MAST2: variants seen among roughly 807,000 people sequenced by gnomAD.
MAST2 encodes microtubule-associated serine/threonine-protein kinase 2.
In MAST2, 70 loss-of-function variants were observed where a neutral mutation model predicts 147.4. That is an observed-to-expected ratio of 0.47 (90% CI 0.39 to 0.58). MAST2 has a LOEUF of 0.58. Among genes scored for constraint, MAST2 ranks in the 20% least tolerant of loss-of-function variants. The pLI is 0.00. For missense variants in MAST2, 2,080 were observed against 2,302.3 expected, an observed-to-expected ratio of 0.90 and a Z score of 1.98; for synonymous variants, 869 against 896.8, an observed-to-expected ratio of 0.97 and a Z score of 0.55.
chr1:46,000,424 C>T (rs921165464), intron 6 of MAST2, among the ~76,000 whole-genome samples: 4 of 152,192 alleles, frequency 2.6e-5, no homozygotes, highest in Non-Finnish European at 4.4e-5. Flanking sequence ...ATGTTAGGTG[C>T]GAGGACCCAG....
At chr1:45,849,929 T>C (rs563339093) in intron 3 of MAST2, among the ~76,000 whole-genome samples, 67 of 152,338 alleles carry the variant, frequency 4.4e-4, no homozygotes, top group Non-Finnish European at 9.3e-4. Flanking sequence ...CATGTGTCTT[T>C]TTGGTAGAAT....
chr1:45,901,867 G>A (rs557805739), intron 4 of MAST2, among the ~76,000 whole-genome samples: 3 of 152,122 alleles, frequency 2.0e-5, no homozygotes, highest in Non-Finnish European at 4.4e-5. Context: ...ATTGGGTCTA[G>A]GAATCATTTG....
intron 6 of MAST2, 143 bp from the exon 7 acceptor site, chr1:46,002,662 C>T: frequency 1.5e-6 from 1 of 669,212 alleles, no homozygotes; most frequent in South Asian, 1.7e-5. Flanking sequence ...GATATAAAAG[C>T]ATGTACTGGA....
At chr1:45,958,070 T>G (rs1373010061) in intron 4 of MAST2, among the ~76,000 whole-genome samples, 1 of 152,112 alleles carries the variant, frequency 6.6e-6, no homozygotes, top group Non-Finnish European at 1.5e-5. Flanking sequence ...TTCAGAGTAG[T>G]GGGAGACTGT....
chr1:46,006,058 G>T (rs1188951289), intron 7 of MAST2, among the ~76,000 whole-genome samples, 183 bp from the exon 8 acceptor site: 1 of 152,188 alleles, frequency 6.6e-6, no homozygotes, highest in African/African-American at 2.4e-5. Flanking sequence ...TCAGGGCTGA[G>T]GGCTCTGAAG....
In MAST2 at chr1:46,029,845, G is replaced by A. The variant is rs752827452; in HGVS notation, c.2335G>A (p.Val779Met). ...ERLGTGSAYE[V>M]KQHPFFTGLD... is the part of the protein sequence containing the mutation. ...CCTGTCCACAGGCAGTGCCTATGAG[G>A]TGAAGCAGCACCCATTCTTTACTGG... is the stretch of plus-strand genomic sequence containing the variant. Residue 779 changes from valine (V) to methionine (M), a missense_variant, in exon 20 of 29, where the codon GTG becomes ATG. Val to Met is a conservative substitution (Grantham distance 21, BLOSUM62 1). Coordinates refer to ENST00000361297, the MANE Select transcript of MAST2 (RefSeq NM_015112.3). 6 of 1,614,006 alleles carry A rather than the reference G, an allele frequency of 3.7e-6. No individual in the cohort carries two copies. Among genetic ancestry groups the A allele is most frequent in the Non-Finnish European group, 3.4e-6 (4 of 1,180,030 alleles).
intron 3 of MAST2, 135 bp from the exon 4 acceptor site, chr1:45,882,229 G>A: frequency 3.6e-6 from 2 of 551,206 alleles, no homozygotes; most frequent in Non-Finnish European, 6.5e-6. Context: ...AAGAGGCAAA[G>A]AAAAAGTTGT....
At chr1:45,889,336 G>A (rs577216819) in intron 4 of MAST2, among the ~76,000 whole-genome samples, 4 of 151,586 alleles carry the variant, frequency 2.6e-5, no homozygotes, top group Non-Finnish European at 5.9e-5. Flanking sequence ...ACAGGTGCAC[G>A]CCGCCACACC....
intron 2 of MAST2, among the ~76,000 whole-genome samples, chr1:45,826,057 ACT>A (rs1194997457): frequency 1.3e-5 from 2 of 151,866 alleles, no homozygotes; most frequent in East Asian, 3.9e-4. Flanking sequence ...ACAGAGCGAA[ACT>A]CTGTCTCCAA....
intron 4 of MAST2, among the ~76,000 whole-genome samples, chr1:45,941,668 C>CTATTTGGTTTTT (rs1657298930): frequency 6.6e-6 from 1 of 151,786 alleles, no homozygotes; most frequent in Admixed American, 6.6e-5. Context: ...TTGTTTATTC[C>CTATTTGGTTTTT]TATTTGTTTT....
chr1:45,858,801 G>A (rs1354661231), intron 3 of MAST2, among the ~76,000 whole-genome samples: 2 of 151,790 alleles, frequency 1.3e-5, no homozygotes, highest in East Asian at 1.9e-4. Context: ...TAAGGTGTAA[G>A]GAAGGGATCC....
At chr1:45,991,117 G>T (rs1002102299) in intron 5 of MAST2, among the ~76,000 whole-genome samples, 3 of 152,002 alleles carry the variant, frequency 2.0e-5, no homozygotes, top group Non-Finnish European at 4.4e-5. Context: ...TGAACATTCA[G>T]TTGTTCCAGC....
At chr1:46,019,456 G>A (rs369626741) in intron 10 of MAST2, 140 bp from the exon 11 acceptor site, 2 of 635,154 alleles carry the variant, frequency 3.1e-6, no homozygotes, top group African/African-American at 3.6e-5. Context: ...CAGCCAGCCA[G>A]CCTTCTCTGA....
chr1:45,909,871 G>C (rs1651397489), intron 4 of MAST2, among the ~76,000 whole-genome samples: 1 of 151,968 alleles, frequency 6.6e-6, no homozygotes, highest in South Asian at 2.1e-4. Context: ...GGAGTGCAGT[G>C]GTGCCGTCTC....
At chr1:45,827,059 ACCTC>A (rs1284332490) in intron 2 of MAST2, among the ~76,000 whole-genome samples, 14 of 151,608 alleles carry the variant, frequency 9.2e-5, no homozygotes, top group African/African-American at 3.4e-4. Flanking sequence ...CAATCTCTTG[ACCTC>A]GTGATCCGCC....
chr1:45,947,540 G>A (rs192265069), intron 4 of MAST2, among the ~76,000 whole-genome samples: 1 of 152,028 alleles, frequency 6.6e-6, no homozygotes, highest in South Asian at 2.1e-4. Flanking sequence ...AAACCCTGAG[G>A]GACCCAAATC....
intron 3 of MAST2, among the ~76,000 whole-genome samples, chr1:45,857,652 C>T (rs146544285): frequency 6.6e-6 from 1 of 152,180 alleles, no homozygotes; most frequent in East Asian, 1.9e-4. Context: ...GCACAATGTG[C>T]AGGTTTGTTA....
At chr1:46,024,057 T>C in intron 15 of MAST2, 77 bp downstream of exon 15, 1 of 1,428,164 alleles carries the variant, frequency 7.0e-7, no homozygotes, top group Non-Finnish European at 9.9e-7. Flanking sequence ...ACCAGCAGCT[T>C]TGTACAGAGG....
At chr1:45,999,495 C>T (rs1645188305) in intron 6 of MAST2, among the ~76,000 whole-genome samples, 1 of 152,158 alleles carries the variant, frequency 6.6e-6, no homozygotes, top group Non-Finnish European at 1.5e-5. Context: ...AGTTATTTCT[C>T]ATTCATTTGA....
Sources: allele counts gnomAD v4.1 joint callset (sites outside exome capture counted in the v4.1 genomes callset), GRCh38; gene constraint gnomAD v4.1.1; transcripts MANE v1.5; gene names NCBI Gene and HGNC (gene_info 2026-07-23, HGNC 2026-07-21).